The following RAB38 variants were observed in gnomAD, a reference collection of about 807,000 sequenced individuals.
RAB38 encodes the protein ras-related protein Rab-38.
A neutral mutation model predicts 18.4 loss-of-function variants in RAB38; 15 were observed. The observed-to-expected ratio is 0.82, with a 90% CI of 0.55 to 1.26. RAB38 has a LOEUF of 1.26. Ranked by LOEUF, RAB38 falls within the 50% of genes most tolerant of loss-of-function variation. The pLI is 0.00. For synonymous variants in RAB38, 101 were observed against 104.4 expected (o/e 0.97, Z 0.20); for missense variants, 294 against 267.4 (o/e 1.10, Z -0.69).
At chr11:88,004,205 A>G in the RAB38 span, among the ~76,000 whole-genome samples, 2 of 150,360 alleles carry the variant, frequency 1.3e-5, no homozygotes, top group East Asian at 3.9e-4. Flanking sequence ...ATGAAAGGAC[A>G]TACATTCTTC....
chr11:88,095,651 C>G, the RAB38 span, among the ~76,000 whole-genome samples: 3 of 151,894 alleles, frequency 2.0e-5, no homozygotes, highest in African/African-American at 4.8e-5. Flanking sequence ...CTGATGAATT[C>G]CAAAGTTTTA....
At chr11:88,055,189 A>G in the RAB38 span, among the ~76,000 whole-genome samples, 159 of 152,346 alleles carry the variant, frequency 1.0e-3, 1 homozygote, top group African/African-American at 3.7e-3. Flanking sequence ...GTGCACTATC[A>G]TCATGCCTGT....
chr11:88,081,500 G>T, the RAB38 span, among the ~76,000 whole-genome samples: 83 of 152,034 alleles, frequency 5.5e-4, no homozygotes, highest in African/African-American at 1.9e-3. Context: ...AAGCTCTAAG[G>T]AAGAATCCAT....
chr11:87,875,481 A>G, the RAB38 span, among the ~76,000 whole-genome samples: 1 of 151,508 alleles, frequency 6.6e-6, no homozygotes, highest in Non-Finnish European at 1.5e-5. Flanking sequence ...GTCCATACAC[A>G]TTTTAGATTT....
chr11:87,884,120 C>A, the RAB38 span, among the ~76,000 whole-genome samples: 2 of 151,930 alleles, frequency 1.3e-5, no homozygotes, highest in Admixed American at 1.3e-4. Flanking sequence ...CATAAATGGT[C>A]TCTATAAACC....
the RAB38 span, among the ~76,000 whole-genome samples, chr11:88,105,320 G>A: frequency 6.6e-6 from 1 of 151,930 alleles, no homozygotes; most frequent in East Asian, 1.9e-4. Context: ...TTCCTCCATC[G>A]GCCATGTCTT....
At chr11:87,844,922 C>G in the RAB38 span, among the ~76,000 whole-genome samples, 2 of 152,160 alleles carry the variant, frequency 1.3e-5, no homozygotes, top group Non-Finnish European at 2.9e-5. Context: ...TGGGCACATT[C>G]AAACTAGCAT....
At chr11:87,933,235 C>G in the RAB38 span, among the ~76,000 whole-genome samples, 1 of 152,072 alleles carries the variant, frequency 6.6e-6, no homozygotes, top group Non-Finnish European at 1.5e-5. Context: ...GGCTTTATAA[C>G]AGAAATAACA....
At chr11:88,086,083 T>A in the RAB38 span, among the ~76,000 whole-genome samples, 1 of 151,876 alleles carries the variant, frequency 6.6e-6, no homozygotes, top group Non-Finnish European at 1.5e-5. Context: ...TTATAAAATA[T>A]AGTTTAATAA....
At chr11:88,130,228 T>A (rs1942750026) in intron 2 of RAB38, among the ~76,000 whole-genome samples, 1 of 152,006 alleles carries the variant, frequency 6.6e-6, no homozygotes, top group African/African-American at 2.4e-5. Context: ...AGGAAACCCA[T>A]CTAAAAGAAG....
the RAB38 span, among the ~76,000 whole-genome samples, chr11:88,050,938 C>G: frequency 6.6e-6 from 1 of 151,988 alleles, no homozygotes; most frequent in Admixed American, 6.6e-5. Flanking sequence ...GATGGAGGTG[C>G]AGTTGTAGAA....
chr11:87,845,619 GA>G, the RAB38 span, among the ~76,000 whole-genome samples: 7 of 151,964 alleles, frequency 4.6e-5, no homozygotes, highest in South Asian at 8.3e-4. Flanking sequence ...ATTGCTGTAG[GA>G]AAAAAATTCA....
At chr11:88,028,311 A>G in the RAB38 span, among the ~76,000 whole-genome samples, 1 of 152,310 alleles carries the variant, frequency 6.6e-6, no homozygotes, top group Admixed American at 6.5e-5. Flanking sequence ...AAACTCTAAA[A>G]AGCAGAGCGC....
the RAB38 span, among the ~76,000 whole-genome samples, chr11:87,936,367 G>A: frequency 6.6e-6 from 1 of 152,038 alleles, no homozygotes; most frequent in Non-Finnish European, 1.5e-5. Flanking sequence ...TTTATTGGAT[G>A]TCCAATTGTT....
At chr11:87,974,056 TATC>T in the RAB38 span, among the ~76,000 whole-genome samples, 4 of 151,946 alleles carry the variant, frequency 2.6e-5, no homozygotes, top group South Asian at 8.3e-4. Flanking sequence ...CCCTACCATG[TATC>T]ATCAACAATT....
At chr11:87,825,829 A>G in the RAB38 span, among the ~76,000 whole-genome samples, 1 of 152,174 alleles carries the variant, frequency 6.6e-6, no homozygotes, top group Non-Finnish European at 1.5e-5. Flanking sequence ...GAGAAAAAGC[A>G]GTAATAGGGA....
At chr11:88,114,986 A>C (rs1247936762) in intron 2 of RAB38, among the ~76,000 whole-genome samples, 3 of 152,236 alleles carry the variant, frequency 2.0e-5, no homozygotes, top group Admixed American at 6.5e-5. Context: ...CTGGAAATAT[A>C]AGTTTAGGTT....
At position 88,114,206 on chromosome 11, in the gene RAB38, T is replaced by TAGCA; in HGVS notation, c.484-67_484-66insTGCT. ...TCTGAAATAATGCTAGAGCAGAGACTTATATGTGACAATTCATTTAAATAT... is the reference window on the plus strand; with the variant it reads ...TCTGAAATAATGCTAGAGCAGAGACTAGCATATATGTGACAATTCATTTAAATAT... On this transcript the variant is annotated intron_variant, in intron 2 of 2. Coordinates refer to ENST00000243662, the MANE Select transcript of RAB38 (RefSeq NM_022337.3). 10 of 1,530,236 alleles carry TAGCA rather than the reference T, an allele frequency of 6.5e-6. 1 individual carries two copies. The South Asian group carries it at 1.1e-4, about 17-fold the overall frequency. The allele number at this position is 1,530,236 out of a possible 1,614,324, so 94.8% of individuals were successfully genotyped here. A position where few individuals can be genotyped will look rare whatever the true frequency, so the allele number is the denominator to read the frequency against.
chr11:88,149,021 T>G (rs12576251), intron 2 of RAB38, among the ~76,000 whole-genome samples: 37,069 of 151,854 alleles, frequency 0.24, 4,630 homozygotes, highest in Non-Finnish European at 0.28. Flanking sequence ...GATGGCAACA[T>G]GAGGGAACAA....
Sources: gnomAD v4.1 joint callset for allele counts (sites outside exome capture counted in the v4.1 genomes callset) on GRCh38, gnomAD v4.1.1 for gene constraint, MANE v1.5 for transcripts, NCBI Gene and HGNC (gene_info 2026-07-23, HGNC 2026-07-21) for gene names.